The following SH3BP5 variants were observed in gnomAD, a reference collection of about 807,000 sequenced individuals.
SH3BP5 encodes SH3 domain binding protein 5, also known as SH3 domain-binding protein 5.
SH3BP5 carries 22 observed loss-of-function variants against 43.3 expected under a neutral mutation model. That is an observed-to-expected ratio of 0.51 (90% CI 0.36 to 0.73). The LOEUF (loss-of-function observed/expected upper bound fraction) is 0.73, where lower values mean the gene tolerates loss of function less well. Among genes scored for constraint, SH3BP5 ranks in the 30% least tolerant of loss-of-function variants. SH3BP5 has a pLI of 0.00. For missense variants in SH3BP5, 529 were observed against 586.9 expected (o/e 0.90, Z 1.02); for synonymous variants, 255 against 225.8 (o/e 1.13, Z -1.16).
intron 3 of SH3BP5, among the ~76,000 whole-genome samples, chr3:15,281,490 C>T (rs1697128291): frequency 6.6e-6 from 1 of 152,122 alleles, no homozygotes; most frequent in Admixed American, 6.5e-5. Flanking sequence ...CTCCCGACTC[C>T]TACCTCTCTC....
intron 7 of SH3BP5, chr3:15,258,618 A>AT: frequency 5.3e-6 from 3 of 569,552 alleles, no homozygotes; most frequent in Non-Finnish European, 9.3e-6. Context: ...CATTTTCCCA[A>AT]TTTATTTGAC....
intron 3 of SH3BP5, among the ~76,000 whole-genome samples, chr3:15,302,608 T>C (rs1422885166): frequency 1.3e-5 from 2 of 152,048 alleles, no homozygotes; most frequent in Non-Finnish European, 2.9e-5. Flanking sequence ...GAGAGGTGCA[T>C]GGAAATAGGA....
intron 3 of SH3BP5, among the ~76,000 whole-genome samples, chr3:15,278,653 C>T (rs1697037620): frequency 6.6e-6 from 1 of 152,194 alleles, no homozygotes; most frequent in Non-Finnish European, 1.5e-5. Flanking sequence ...GAGAGAATTC[C>T]ATTAAGCCCA....
chr3:15,298,810 T>C (rs1320279188), intron 3 of SH3BP5, among the ~76,000 whole-genome samples: 2 of 151,576 alleles, frequency 1.3e-5, no homozygotes, highest in Non-Finnish European at 2.9e-5. Flanking sequence ...GAGGGGAGGA[T>C]TGGGGAGTTA....
At chr3:15,309,028 A>C (rs1022777651) in intron 2 of SH3BP5, among the ~76,000 whole-genome samples, 15 of 152,184 alleles carry the variant, frequency 9.9e-5, no homozygotes, top group African/African-American at 3.4e-4. Context: ...TACTGACCAC[A>C]ATGGATTCTG....
chr3:15,264,760 T>G lies in SH3BP5; in HGVS notation c.496-2471A>C, dbSNP rs544349595. ...AAAATGCACTAAAAATATCTCATGCTTGATACTTGGGGAAACAGCAGTAAA... is the reference window on the plus strand; with the variant it reads ...AAAATGCACTAAAAATATCTCATGCGTGATACTTGGGGAAACAGCAGTAAA... On this transcript the variant is annotated intron_variant, in intron 4 of 8. Coordinates refer to ENST00000383791, the MANE Select transcript of SH3BP5 (RefSeq NM_004844.5). 2.0e-5 allele frequency among the ~76,000 whole-genome samples: 3 copies of G among 152,278 alleles called. No individual in the cohort carries two copies. In the East Asian group the frequency reaches 5.8e-4, roughly 29 times the overall value.
At chr3:15,277,462 G>A (rs1472143334) in intron 3 of SH3BP5, among the ~76,000 whole-genome samples, 2 of 152,146 alleles carry the variant, frequency 1.3e-5, no homozygotes, top group African/African-American at 4.8e-5. Flanking sequence ...AGGAGCAGAG[G>A]AGAAGTGGGG....
intron 2 of SH3BP5, among the ~76,000 whole-genome samples, chr3:15,306,054 T>TAAAAA (rs60186514): frequency 1.5e-5 from 2 of 137,034 alleles, no homozygotes. Context: ...TGCATGAGTT[T>TAAAAA]AAAAAAAAAA....
chr3:15,296,502 C>A (rs1318787286), intron 3 of SH3BP5, among the ~76,000 whole-genome samples: 1 of 152,126 alleles, frequency 6.6e-6, no homozygotes, highest in Non-Finnish European at 1.5e-5. Context: ...GATAGGTCAA[C>A]AAGTGGCTAG....
At chr3:15,328,946 G>A (rs1213607168) in intron 2 of SH3BP5, among the ~76,000 whole-genome samples, 2 of 152,108 alleles carry the variant, frequency 1.3e-5, no homozygotes, top group African/African-American at 4.8e-5. Flanking sequence ...TTGAAACGTG[G>A]CTATTGTGAC....
chr3:15,265,559 C>CACACACACACACACACACACAA (rs1285577992), intron 4 of SH3BP5, among the ~76,000 whole-genome samples: 1 of 142,928 alleles, frequency 7.0e-6, no homozygotes, highest in South Asian at 2.3e-4. Context: ...CACACACACA[C>CACACACACACACACACACACAA]AACCCTCCAG....
At chr3:15,341,249 T>C (rs1359776483) in exon 1 of SH3BP5, 1 of 152,556 alleles carries the variant, frequency 6.6e-6, no homozygotes, top group Non-Finnish European at 1.5e-5. Context: ...GGCTGTCAGC[T>C]GGCTCTGTCC....
At chr3:15,274,705 A>G (rs1218897882) in intron 3 of SH3BP5, among the ~76,000 whole-genome samples, 1 of 152,140 alleles carries the variant, frequency 6.6e-6, no homozygotes, top group Non-Finnish European at 1.5e-5. Flanking sequence ...CTAAGACACC[A>G]ATAATAATTT....
At chr3:15,284,587 C>T (rs187754970) in intron 3 of SH3BP5, among the ~76,000 whole-genome samples, 1 of 152,328 alleles carries the variant, frequency 6.6e-6, no homozygotes, top group Non-Finnish European at 1.5e-5. Context: ...ATGGCCCCTT[C>T]CCTGCCAGCT....
At chr3:15,294,706 C>T (rs17040969) in intron 3 of SH3BP5, among the ~76,000 whole-genome samples, 20,103 of 152,012 alleles carry the variant, frequency 0.13, 1,707 homozygotes, top group East Asian at 0.28. Context: ...ATCATTAGCG[C>T]TCAAAAAATG....
At chr3:15,304,448 C>G (rs1030655951) in intron 2 of SH3BP5, 2 of 711,296 alleles carry the variant, frequency 2.8e-6, no homozygotes, top group Non-Finnish European at 4.9e-6. Context: ...AGTGTGGCGG[C>G]CACCAGCCAC....
At chr3:15,317,696 AG>A (rs1269497367) in intron 2 of SH3BP5, among the ~76,000 whole-genome samples, 1 of 152,210 alleles carries the variant, frequency 6.6e-6, no homozygotes, top group Non-Finnish European at 1.5e-5. Flanking sequence ...TCAAGAACAA[AG>A]GTGGTTCAAA....
upstream of SH3BP5, among the ~76,000 whole-genome samples, chr3:15,333,789 G>C (rs1698667552): frequency 1.3e-5 from 2 of 152,222 alleles, no homozygotes; most frequent in South Asian, 4.1e-4. Flanking sequence ...GCCATGGTTT[G>C]TTTCTAAAAA....
intron 3 of SH3BP5, among the ~76,000 whole-genome samples, chr3:15,298,076 A>C (rs942796914): frequency 1.3e-5 from 2 of 151,722 alleles, no homozygotes; most frequent in African/African-American, 4.8e-5. Flanking sequence ...TCCTGGGCTC[A>C]AGCAATCCTC....
Sources: gnomAD v4.1 joint callset for allele counts (sites outside exome capture counted in the v4.1 genomes callset) on GRCh38, gnomAD v4.1.1 for gene constraint, MANE v1.5 for transcripts, NCBI Gene and HGNC (gene_info 2026-07-23, HGNC 2026-07-21) for gene names.